The following SPTBN1 variants were observed in gnomAD, a reference collection of about 807,000 sequenced individuals.
SPTBN1 encodes the protein spectrin beta chain, non-erythrocytic 1.
In SPTBN1, 32 loss-of-function variants were observed where a neutral mutation model predicts 266.4. That is an observed-to-expected ratio of 0.12 (90% CI 0.09 to 0.16). The LOEUF (loss-of-function observed/expected upper bound fraction) is 0.16, where lower values mean the gene tolerates loss of function less well. Ranked by LOEUF, SPTBN1 falls within the 10% of genes least tolerant of loss-of-function variation. SPTBN1 has a pLI of 1.00. For synonymous variants in SPTBN1, 1,336 were observed against 1,162.2 expected (o/e 1.15, Z -3.04); for missense variants, 2,296 against 3,067.1 (o/e 0.75, Z 5.94).
In SPTBN1 at chr2:54,646,919, C is replaced by T. The variant is rs143832319; in HGVS notation, c.4867-212C>T. On this transcript the variant is annotated intron_variant, in intron 23 of 35. Coordinates refer to ENST00000356805, the MANE Select transcript of SPTBN1 (RefSeq NM_003128.3). This position sits in a 1 kb window ranked among gnomAD's most constrained non-coding sequence, Gnocchi z 4.4. ...AGAGGGGCCCTGCTCATTCTGCGTT[C>T]TCCTTGTGTTTATCTTCTGCACAGG... Among the ~76,000 whole-genome samples, 55 of 152,336 alleles carry T rather than the reference C, an allele frequency of 3.6e-4. No individual in the cohort carries two copies. The highest frequency in any genetic ancestry group is 1.3e-3 in the African/African-American group (54 of 41,562).
At chr2:54,526,021 T>C (rs986480291) in intron 1 of SPTBN1, among the ~76,000 whole-genome samples, 3 of 152,248 alleles carry the variant, frequency 2.0e-5, no homozygotes, top group Admixed American at 6.5e-5. Context: ...CGTGAGCCAC[T>C]GCACCTGGCC....
intron 1 of SPTBN1, among the ~76,000 whole-genome samples, chr2:54,484,003 T>G (rs1387018274): frequency 1.3e-5 from 2 of 152,058 alleles, no homozygotes; most frequent in Non-Finnish European, 2.9e-5. Flanking sequence ...GAGACCAGCC[T>G]GGGAAACATG....
intron 2 of SPTBN1, among the ~76,000 whole-genome samples, chr2:54,552,849 GTGGT>G: frequency 6.6e-6 from 1 of 152,224 alleles, no homozygotes; most frequent in East Asian, 1.9e-4. Context: ...AAGTTGAGAA[GTGGT>G]CTCACCCATG....
intron 6 of SPTBN1, 95 bp from the exon 7 acceptor site, chr2:54,617,983 T>G: frequency 1.0e-6 from 1 of 1,001,086 alleles, no homozygotes; most frequent in Non-Finnish European, 1.5e-6. Flanking sequence ...CACTAATTGG[T>G]GATTTTAACC....
Position 54,626,149 on chromosome 2 carries a change from G to A in SPTBN1, c.1559G>A (p.Arg520Gln), listed in dbSNP as rs1167413670. Residue 520 changes from arginine to glutamine, a missense_variant, in exon 12 of 36, where the codon CGG (arginine) becomes CAG (glutamine). Physicochemically the swap from Arg to Gln is conservative, Grantham distance 43. This residue lies in a region of SPTBN1 where 434 missense variants were observed against 573.9 expected (regional missense o/e 0.76). Coordinates refer to ENST00000356805, the MANE Select transcript of SPTBN1 (RefSeq NM_003128.3). The surrounding 1 kb of genome is among the most constrained non-coding windows in gnomAD (Gnocchi z 4.7). ...WEYLLELLRA[R>Q]RQRLEMNLGL... ...TACCTACTGGAACTGCTCAGGGCCC[G>A]GAGACAGCGGCTCGAGATGAACCTG... 3.7e-6 allele frequency: 6 copies of A among 1,614,076 alleles called. No individual in the cohort carries two copies. Among genetic ancestry groups the A allele is most frequent in the Non-Finnish European group, 5.1e-6 (6 of 1,180,040 alleles).
At position 54,630,972 on chromosome 2, in the gene SPTBN1, C is replaced by G. The variant is rs748495472; in HGVS notation, c.2925C>G (p.Thr975=). The stretch of plus-strand genomic sequence containing the variant: ...CCAAATCCTGGATTCGGGAAAAGAC[C>G]AAGGTCATCGAGTCCACCCAGGACC... ...NETKSWIREK[T]KVIESTQDLG... is the part of the protein sequence containing the mutation. The change falls in exon 16 of 36, where the codon ACC becomes ACG. Residue 975 remains threonine, a synonymous_variant. Transcript: ENST00000356805. 7 of 1,614,176 alleles carry G rather than the reference C, an allele frequency of 4.3e-6. No individual in the cohort carries two copies. The East Asian group carries it at 1.3e-4, about 31-fold the overall frequency.
At chr2:54,630,529 T>G (rs1449188356) in intron 15 of SPTBN1, among the ~76,000 whole-genome samples, 1 of 152,186 alleles carries the variant, frequency 6.6e-6, no homozygotes, top group Admixed American at 6.5e-5. Context: ...AAACGTTCAT[T>G]AGGTAGAGTT....
At chr2:54,537,087 G>A (rs1456677170) in intron 2 of SPTBN1, among the ~76,000 whole-genome samples, 7 of 152,144 alleles carry the variant, frequency 4.6e-5, no homozygotes, top group East Asian at 1.9e-4. Flanking sequence ...ATGCAAATGA[G>A]CCCTGAAAAA....
chr2:54,624,788 A>G lies in SPTBN1; in HGVS notation c.1183-16A>G. ...GGAAACTGTGTTTGTGTGTGTGTGT[A>G]TTTTCATTTTTGTAGGCCTGGGAAA... On this transcript the variant is annotated splice_polypyrimidine_tract_variant and intron_variant, in intron 10 of 35. Coordinates refer to ENST00000356805, the MANE Select transcript of SPTBN1 (RefSeq NM_003128.3). 1.2e-6 allele frequency: 2 copies of G among 1,613,836 alleles called. No individual in the cohort carries two copies. Among genetic ancestry groups the G allele is most frequent in the South Asian group, 1.1e-5 (1 of 91,054 alleles).
intron 1 of SPTBN1, among the ~76,000 whole-genome samples, chr2:54,480,585 C>T (rs957258913): frequency 1.3e-5 from 2 of 152,200 alleles, no homozygotes; most frequent in Admixed American, 1.3e-4. Flanking sequence ...GTATAACCCA[C>T]ATTCAGATGT....
At chr2:54,609,440 A>G (rs1677070957) in intron 3 of SPTBN1, among the ~76,000 whole-genome samples, 1 of 152,176 alleles carries the variant, frequency 6.6e-6, no homozygotes, top group Non-Finnish European at 1.5e-5. Flanking sequence ...GCAGGAATGT[A>G]TTGTTTCAGG....
At chr2:54,515,018 C>T (rs944360828) in intron 1 of SPTBN1, among the ~76,000 whole-genome samples, 6 of 152,156 alleles carry the variant, frequency 3.9e-5, no homozygotes, top group African/African-American at 1.4e-4. Context: ...TCTAAACCTC[C>T]CCAAATGGTT....
chr2:54,477,582 G>A (rs973695290), intron 1 of SPTBN1, among the ~76,000 whole-genome samples: 2 of 152,020 alleles, frequency 1.3e-5, no homozygotes, highest in Non-Finnish European at 2.9e-5. Flanking sequence ...TTACCTCACA[G>A]CCCCACCCTA....
intron 1 of SPTBN1, among the ~76,000 whole-genome samples, chr2:54,519,410 G>T (rs1169033544): frequency 1.3e-5 from 2 of 152,220 alleles, no homozygotes; most frequent in Non-Finnish European, 2.9e-5. Flanking sequence ...GTCTAATTCA[G>T]ACCAGGTGGT....
intron 1 of SPTBN1, among the ~76,000 whole-genome samples, chr2:54,471,907 C>G (rs1693942731): frequency 7.2e-6 from 1 of 138,932 alleles, no homozygotes. Context: ...TTTTACTGGA[C>G]TAATTATTAG....
intron 3 of SPTBN1, 30 bp from the exon 4 acceptor site, chr2:54,612,131 G>A: frequency 6.4e-7 from 1 of 1,550,702 alleles, no homozygotes; most frequent in Non-Finnish European, 8.7e-7. Flanking sequence ...GTTGGGTGAT[G>A]TGTCTCTACC....
chr2:54,489,533 T>TC (rs200926864), intron 1 of SPTBN1, among the ~76,000 whole-genome samples: 33,093 of 151,782 alleles, frequency 0.22, 4,614 homozygotes, highest in East Asian at 0.37. Context: ...AAACCCCGTC[T>TC]TACTAAAAAT....
At chr2:54,573,217 G>A (rs886798663) in intron 2 of SPTBN1, among the ~76,000 whole-genome samples, 4 of 152,084 alleles carry the variant, frequency 2.6e-5, no homozygotes, top group Admixed American at 6.6e-5. Context: ...TTAGTAAAGC[G>A]GTCCCCAGCC....
intron 1 of SPTBN1, among the ~76,000 whole-genome samples, chr2:54,487,832 C>CTTTTTTTTTTTTT (rs70944169): frequency 0.01 from 705 of 68,616 alleles, 105 homozygotes; most frequent in African/African-American, 0.022. Context: ...CCTCCTGTGT[C>CTTTTTTTTTTTTT]TTTTTTTTTT....
Sources: gnomAD v4.1 joint callset for allele counts (sites outside exome capture counted in the v4.1 genomes callset) on GRCh38, gnomAD v4.1.1 for gene constraint, gnomAD v4.1.1 regional missense constraint, Gnocchi (gnomAD v3.1) non-coding constraint, MANE v1.5 for transcripts, NCBI Gene and HGNC (gene_info 2026-07-23, HGNC 2026-07-21) for gene names.